Variants in TMEM131 observed in about 807,000 individuals in gnomAD.
The protein encoded by TMEM131 is 2610524E03Rik.
TMEM131 carries 66 observed loss-of-function variants against 211.6 expected under a neutral mutation model. That is an observed-to-expected ratio of 0.31 (90% CI 0.26 to 0.38). The LOEUF is 0.38. Ranked by LOEUF, TMEM131 falls within the 10% of genes least tolerant of loss-of-function variation. TMEM131 has a pLI of 1.00. For missense variants in TMEM131, 2,036 were observed against 2,299.3 expected, an observed-to-expected ratio of 0.89 and a Z score of 2.34; for synonymous variants, 844 against 841.3, an observed-to-expected ratio of 1.00 and a Z score of -0.06.
intron 1 of TMEM131, among the ~76,000 whole-genome samples, chr2:97,955,750 C>T (rs531887458): frequency 4.6e-5 from 7 of 152,182 alleles, no homozygotes; most frequent in African/African-American, 1.2e-4. Context: ...CATTTACAAT[C>T]ACTCTGGAAA....
intron 11 of TMEM131, among the ~76,000 whole-genome samples, chr2:97,824,000 C>T (rs58019724): frequency 0.02 from 3,095 of 152,160 alleles, 126 homozygotes; most frequent in East Asian, 0.15. Context: ...AAAGGAAAAG[C>T]GAGATCAGAG....
intron 1 of TMEM131, among the ~76,000 whole-genome samples, chr2:97,983,105 G>A (rs1679867485): frequency 2.0e-5 from 3 of 152,180 alleles, no homozygotes; most frequent in African/African-American, 7.2e-5. Context: ...TTGCTCACTA[G>A]AAGCAGGGAG....
chr2:97,805,376 A>G lies in TMEM131; in HGVS notation c.2284T>C (p.Ser762Pro). The stretch of plus-strand genomic sequence containing the variant: ...GAGAGAGAACAGCAAGGTCACTTAC[A>G]TTTGGATAGAAAAGGCAAGCCAACA... ...CYVGLPFLSK[S>P]EPKVQPGVAM... The change falls in exon 21 of 41, where the codon TCT becomes CCT. Residue 762 changes from serine (S) to proline (P), a missense_variant and splice_region_variant. Around this residue, in one of 3 missense-constraint regions of TMEM131, gnomAD observed 1,623 missense variants for 1,805.9 expected, o/e 0.90. Coordinates refer to ENST00000186436, the MANE Select transcript of TMEM131 (RefSeq NM_015348.2). 6.2e-7 allele frequency: 1 copy of G among 1,613,464 alleles called. No individual in the cohort carries two copies. The highest frequency in any genetic ancestry group is 8.5e-7 in the Non-Finnish European group (1 of 1,179,526).
chr2:97,943,042 AAAGAAAG>A (rs1472021581), intron 1 of TMEM131, among the ~76,000 whole-genome samples: 51 of 48,236 alleles, frequency 1.1e-3, no homozygotes, highest in East Asian at 2.0e-3. Flanking sequence ...AAAAGAAAAG[AAAGAAAG>A]AAAGAAAGAA....
In TMEM131 at chr2:97,796,397, T is replaced by C; in HGVS notation, c.3021A>G (p.Lys1007=). 6.6e-7 allele frequency: 1 copy of C among 1,516,792 alleles called. No homozygotes were observed. The highest frequency in any genetic ancestry group is 8.8e-7 in the Non-Finnish European group (1 of 1,133,046). 94.0% of individuals were successfully genotyped at this position (1,516,792 alleles called of 1,614,324 possible). The change falls in exon 28 of 41, where the codon AAA becomes AAG. Residue 1007 remains lysine, a synonymous_variant. Transcript: ENST00000186436. The part of the protein sequence containing the change: ...ALLKDCTDSL[K]LREPNFTLKR... ...TCAATGTGAAATTTGGTTCTCTTAG[T>C]TTTAAACCTAAAGGATAAAAAATCA...
chr2:97,885,022 T>G (rs548251938), intron 4 of TMEM131, among the ~76,000 whole-genome samples: 202 of 152,376 alleles, frequency 1.3e-3, no homozygotes, highest in Non-Finnish European at 2.1e-3. Flanking sequence ...TTTTCCACAT[T>G]GATACGGTTT....
At chr2:97,854,952 A>G (rs575251083) in intron 5 of TMEM131, among the ~76,000 whole-genome samples, 2 of 152,318 alleles carry the variant, frequency 1.3e-5, no homozygotes, top group South Asian at 2.1e-4. Flanking sequence ...CTCTGATCTT[A>G]TACTTTTCTT....
Position 97,893,760 on chromosome 2 carries a change from C to A in TMEM131, c.291-5640G>T, listed in dbSNP as rs1446469158. On this transcript the variant is annotated intron_variant, in intron 3 of 40. Coordinates refer to ENST00000186436, the MANE Select transcript of TMEM131 (RefSeq NM_015348.2). ...TTTTTTTTTCTTGTAAATTTAAGTT[C>A]TTTGTAGATTCTGGATATTAGCTCT... Among the ~76,000 whole-genome samples, 16 of 151,256 alleles carry A rather than the reference C, an allele frequency of 1.1e-4. No individual in the cohort carries two copies. The East Asian group carries it at 3.1e-3, about 29-fold the overall frequency.
At chr2:97,784,288 G>A (rs1445265735) in intron 31 of TMEM131, among the ~76,000 whole-genome samples, 4 of 152,006 alleles carry the variant, frequency 2.6e-5, no homozygotes, top group African/African-American at 9.7e-5. Context: ...AAGTGCCCAT[G>A]GGTCATAAGC....
At position 97,916,088 on chromosome 2, in the gene TMEM131, T is replaced by A. The variant is rs558282363; in HGVS notation, c.250-7390A>T. ...GCCAGCACGCCCAGCTAATTTTTTT[T>A]AATTTTTAGTAGAGATGGAGTTTCA... On this transcript the variant is annotated intron_variant, in intron 2 of 40. Transcript: ENST00000186436. Among the ~76,000 whole-genome samples the A allele has an allele frequency of 3.9e-5, 6 of 152,218 alleles. No homozygotes were observed. In the South Asian group the frequency reaches 6.2e-4, roughly 16 times the overall value.
At chr2:97,910,377 TG>T (rs1400482347) in intron 2 of TMEM131, among the ~76,000 whole-genome samples, 1 of 152,142 alleles carries the variant, frequency 6.6e-6, no homozygotes, top group Non-Finnish European at 1.5e-5. Context: ...CCCACTTCTG[TG>T]TATATACCCT....
rs552840466 is a variant in TMEM131, at chr2:97,973,602, C to T, written c.187+21874G>A. Reference sequence around the variant, plus strand: ...CTACAGAGGGTCCCCATTGAGTCCTCGGTGAAGTACTGATCAGTGCATTTG... The same window carrying T: ...CTACAGAGGGTCCCCATTGAGTCCTTGGTGAAGTACTGATCAGTGCATTTG... On this transcript the variant is annotated intron_variant, in intron 1 of 40. Coordinates refer to ENST00000186436, the MANE Select transcript of TMEM131 (RefSeq NM_015348.2). Among the ~76,000 whole-genome samples, 40 of 152,260 alleles carry T rather than the reference C, an allele frequency of 2.6e-4. No individual in the cohort carries two copies. In the South Asian group the frequency reaches 8.1e-3, roughly 31 times the overall value.
At chr2:97,818,452 A>T in intron 12 of TMEM131, among the ~76,000 whole-genome samples, 161 bp downstream of exon 12, 1 of 56,180 alleles carries the variant, frequency 1.8e-5, no homozygotes, top group Non-Finnish European at 3.2e-5. Flanking sequence ...AGAGTTCATG[A>T]TGGTTTACAG....
At chr2:97,788,389 T>A (rs1437352109) in intron 31 of TMEM131, among the ~76,000 whole-genome samples, 1 of 152,158 alleles carries the variant, frequency 6.6e-6, no homozygotes, top group African/African-American at 2.4e-5. Context: ...ACCCTACCAC[T>A]TCCCCCAGCA....
chr2:97,950,562 T>G (rs1348116040), intron 1 of TMEM131, among the ~76,000 whole-genome samples: 1 of 152,066 alleles, frequency 6.6e-6, no homozygotes, highest in Admixed American at 6.6e-5. Context: ...CAGGACAGGG[T>G]CTCTTTACCG....
chr2:97,766,395 A>G, intron 34 of TMEM131, 83 bp downstream of exon 34: 1 of 1,603,126 alleles, frequency 6.2e-7, no homozygotes, highest in Non-Finnish European at 8.5e-7. Flanking sequence ...CTGACTGCTT[A>G]CTGATAATGC....
chr2:97,868,690 A>ACAG lies in TMEM131; in HGVS notation c.360-9264_360-9263insCTG, dbSNP rs1674369411. Among the ~76,000 whole-genome samples the ACAG allele has an allele frequency of 4.6e-5, 7 of 152,312 alleles. No individual in the cohort carries two copies. In the South Asian group the frequency reaches 1.2e-3, roughly 27 times the overall value. ...TTCTGTGGCCTAACAGTTCAGAACA[A>ACAG]CAACAACAACAAAAAGTGGGAACAG... is the stretch of plus-strand genomic sequence containing the variant. On this transcript the variant is annotated intron_variant, in intron 4 of 40. Coordinates refer to ENST00000186436, the MANE Select transcript of TMEM131 (RefSeq NM_015348.2).
intron 1 of TMEM131, among the ~76,000 whole-genome samples, chr2:97,984,356 A>T (rs1219815262): frequency 1.3e-5 from 2 of 151,752 alleles, no homozygotes; most frequent in African/African-American, 2.4e-5. Flanking sequence ...TTTTTTTTTT[A>T]AATATCAAAT....
At chr2:97,979,882 A>G (rs956489038) in intron 1 of TMEM131, among the ~76,000 whole-genome samples, 3 of 152,186 alleles carry the variant, frequency 2.0e-5, no homozygotes, top group Admixed American at 6.5e-5. Context: ...CAGCTTTGAC[A>G]TGCTCTCCTC....
Sources: gnomAD v4.1 joint callset for allele counts (sites outside exome capture counted in the v4.1 genomes callset) on GRCh38, gnomAD v4.1.1 for gene constraint, gnomAD v4.1.1 regional missense constraint, MANE v1.5 for transcripts, NCBI Gene and HGNC (gene_info 2026-07-23, HGNC 2026-07-21) for gene names.